Variants in PTPRN2 observed in about 807,000 individuals in gnomAD.
PTPRN2 encodes receptor-type tyrosine-protein phosphatase N2.
A neutral mutation model predicts 118.8 loss-of-function variants in PTPRN2; 74 were observed. The observed-to-expected ratio is 0.62, with a 90% CI of 0.52 to 0.76. PTPRN2 has a LOEUF of 0.76. Among genes scored for constraint, PTPRN2 ranks in the 30% least tolerant of loss-of-function variants. The pLI, the probability that PTPRN2 is intolerant of heterozygous loss-of-function variation, is 0.00. For synonymous variants in PTPRN2, 641 were observed against 608.0 expected, an observed-to-expected ratio of 1.05 and a Z score of -0.80; for missense variants, 1,481 against 1,394.4, an observed-to-expected ratio of 1.06 and a Z score of -0.99.
chr7:158,231,787 T>C (rs547886974), intron 3 of PTPRN2, among the ~76,000 whole-genome samples: 35 of 152,240 alleles, frequency 2.3e-4, no homozygotes, highest in African/African-American at 8.2e-4. Context: ...CTGACCACCA[T>C]AGACTAAAAC....
intron 5 of PTPRN2, among the ~76,000 whole-genome samples, chr7:158,174,897 C>T (rs978573849): frequency 1.3e-5 from 2 of 152,178 alleles, no homozygotes; most frequent in Non-Finnish European, 2.9e-5. Flanking sequence ...CCCAACTTTA[C>T]TGGGGCCGGG....
chr7:158,028,260 G>T (rs927147549), intron 11 of PTPRN2: 1 of 152,274 alleles, frequency 6.6e-6, no homozygotes, highest in Non-Finnish European at 1.5e-5. Flanking sequence ...AAGTCCTGAG[G>T]ACCCGGCTGC....
In PTPRN2 at chr7:158,351,717, C is replaced by G. The variant is rs939830155; in HGVS notation, c.164-34785G>C. ...AGCCGGGCCAGTCCACAGCCAGTCA[C>G]GGCCCCACGGGAGGAGCCTTCTGAG... is the stretch of plus-strand genomic sequence containing the variant. On this transcript the variant is annotated intron_variant, in intron 2 of 22. Coordinates refer to ENST00000389418, the MANE Select transcript of PTPRN2 (RefSeq NM_002847.5). 2.0e-5 allele frequency among the ~76,000 whole-genome samples: 3 copies of G among 152,096 alleles called. No individual in the cohort carries two copies. In the East Asian group the frequency reaches 5.8e-4, roughly 29 times the overall value.
chr7:157,731,163 T>C (rs1417928692), intron 12 of PTPRN2, among the ~76,000 whole-genome samples: 1 of 152,092 alleles, frequency 6.6e-6, no homozygotes, highest in Non-Finnish European at 1.5e-5. Context: ...GCTAACCTCG[T>C]CCAGTTGTCA....
chr7:158,058,456 A>G (rs1205744341), intron 11 of PTPRN2, among the ~76,000 whole-genome samples: 1 of 98,324 alleles, frequency 1.0e-5, no homozygotes, highest in African/African-American at 5.0e-5. Context: ...CTGCAGCCAC[A>G]CTCCATCTGC....
intron 11 of PTPRN2, among the ~76,000 whole-genome samples, chr7:158,051,585 C>T (rs73171542): frequency 0.041 from 6,280 of 152,292 alleles, 136 homozygotes; most frequent in African/African-American, 0.051. Context: ...GGAAAAGTGG[C>T]TAACTGAATT....
Position 158,587,625 on chromosome 7 carries a change from C to CAGCAGCAGT in PTPRN2, c.44_45insACTGCTGCT (p.Leu13_Leu15dup). 1 of 1,353,050 alleles carries CAGCAGCAGT rather than the reference C, an allele frequency of 7.4e-7. No homozygotes were observed. Among genetic ancestry groups the CAGCAGCAGT allele is most frequent in the Non-Finnish European group, 9.5e-7 (1 of 1,057,610 alleles). The allele number at this position is 1,353,050 out of a possible 1,614,324, so 83.8% of individuals were successfully genotyped here. On this transcript the variant is annotated inframe_insertion, in exon 1 of 23. Transcript: ENST00000389418. ...GGGCGGCAGGCAGGACGCGTGGCGG[C>CAGCAGCAGT]AGCAGCAGCAGTAGCAGCAGCAGCA...
Position 157,808,570 on chromosome 7 carries a change from C to A in PTPRN2, c.1788+90103G>T, listed in dbSNP as rs180885605. On this transcript the variant is annotated intron_variant, in intron 12 of 22. Transcript: ENST00000389418. This position sits in a 1 kb window ranked among gnomAD's most constrained non-coding sequence, Gnocchi z 5.0. ...TCCCATCACCCCCAGATGGGACCAG[C>A]CAGTTGCAGGAAAACAAGCTCAGGG... Among the ~76,000 whole-genome samples the A allele has an allele frequency of 2.7e-4, 41 of 152,250 alleles. No individual in the cohort carries two copies. The East Asian group carries it at 3.7e-3, about 14-fold the overall frequency.
chr7:157,772,072 A>G (rs889106695), intron 12 of PTPRN2, among the ~76,000 whole-genome samples: 2 of 151,210 alleles, frequency 1.3e-5, no homozygotes, highest in African/African-American at 4.9e-5. Context: ...ACAGATACAC[A>G]CACAGAACAC....
At chr7:157,998,060 T>TGCAGGGTGGGGGGAGAGGAGG (rs1563313779) in intron 11 of PTPRN2, among the ~76,000 whole-genome samples, 1 of 18,604 alleles carries the variant, frequency 5.4e-5, no homozygotes, top group Admixed American at 7.2e-4. Flanking sequence ...GGGAGAGGAG[T>TGCAGGGTGGGGGGAGAGGAGG]GCAGGGTGGG....
chr7:157,769,979 AC>A (rs1451634032), intron 12 of PTPRN2, among the ~76,000 whole-genome samples: 1 of 151,584 alleles, frequency 6.6e-6, no homozygotes, highest in East Asian at 1.9e-4. Flanking sequence ...TAGGATACAC[AC>A]CCCGACCTCG....
At chr7:157,971,954 T>C (rs1802362751) in intron 11 of PTPRN2, among the ~76,000 whole-genome samples, 1 of 152,254 alleles carries the variant, frequency 6.6e-6, no homozygotes, top group Non-Finnish European at 1.5e-5. Context: ...CAGTTCTGCA[T>C]ACCCAAGTGA....
intron 19 of PTPRN2, among the ~76,000 whole-genome samples, chr7:157,573,527 A>G (rs976164653): frequency 6.6e-6 from 1 of 152,230 alleles, no homozygotes; most frequent in African/African-American, 2.4e-5. Context: ...AGTACACCCA[A>G]AAAAGGGACA....
At chr7:157,865,243 C>G (rs1810567486) in intron 12 of PTPRN2, 1 of 152,264 alleles carries the variant, frequency 6.6e-6, no homozygotes, top group Non-Finnish European at 1.5e-5. Flanking sequence ...GTTGGCACTG[C>G]CCAGCTGACG....
At chr7:158,346,302 C>G (rs898465820) in intron 2 of PTPRN2, among the ~76,000 whole-genome samples, 1 of 152,214 alleles carries the variant, frequency 6.6e-6, no homozygotes. Context: ...CCCTCCACCC[C>G]TGGCCTCTGG....
intron 8 of PTPRN2, 109 bp from the exon 9 acceptor site, chr7:158,134,168 CCTGGAAGGAGAGT>C: frequency 1.5e-6 from 2 of 1,298,094 alleles, no homozygotes; most frequent in African/African-American, 3.0e-5. Context: ...ACATGGGCAG[CCTGGAAGGAGAGT>C]GTGGGAGGAA....
At chr7:158,432,546 G>C (rs1816295444) in intron 2 of PTPRN2, among the ~76,000 whole-genome samples, 2 of 152,234 alleles carry the variant, frequency 1.3e-5, no homozygotes, top group East Asian at 3.8e-4. Flanking sequence ...AAGGTTTTCT[G>C]AGACTATCAG....
intron 14 of PTPRN2, among the ~76,000 whole-genome samples, chr7:157,639,921 T>A (rs759428064): frequency 2.0e-5 from 3 of 152,228 alleles, no homozygotes; most frequent in African/African-American, 7.2e-5. Flanking sequence ...GGGTGAGGAA[T>A]TGACATGAAG....
intron 12 of PTPRN2, among the ~76,000 whole-genome samples, chr7:157,781,250 G>C (rs116086377): frequency 2.2e-3 from 333 of 152,346 alleles, no homozygotes; most frequent in African/African-American, 7.5e-3. Context: ...ACATGGGCTA[G>C]TGTTATTATC....
Sources: gnomAD v4.1 joint callset for allele counts (sites outside exome capture counted in the v4.1 genomes callset) on GRCh38, gnomAD v4.1.1 for gene constraint, Gnocchi (gnomAD v3.1) non-coding constraint, MANE v1.5 for transcripts, NCBI Gene and HGNC (gene_info 2026-07-23, HGNC 2026-07-21) for gene names.